The following RAP1GDS1 variants were observed in gnomAD, a reference collection of about 807,000 sequenced individuals.
The protein encoded by RAP1GDS1 is Rap1 GTPase-GDP dissociation stimulator 1.
RAP1GDS1 carries 35 observed loss-of-function variants against 71.1 expected under a neutral mutation model. The ratio of observed to expected loss-of-function variants is 0.49; its 90% confidence interval spans 0.38 to 0.65. The LOEUF (loss-of-function observed/expected upper bound fraction) is 0.65, where lower values mean the gene tolerates loss of function less well. Ranked by LOEUF, RAP1GDS1 falls within the 30% of genes least tolerant of loss-of-function variation. The probability of loss-of-function intolerance (pLI) is 0.00; values close to 1 mark genes in which losing one functional copy is unlikely to be tolerated. For synonymous variants in RAP1GDS1, 229 were observed against 243.1 expected (o/e 0.94, Z 0.54); for missense variants, 663 against 706.1 (o/e 0.94, Z 0.69).
chr4:98,355,104 G>GTAAA (rs2110428510), intron 4 of RAP1GDS1, among the ~76,000 whole-genome samples: 1 of 152,280 alleles, frequency 6.6e-6, no homozygotes, highest in East Asian at 1.9e-4. Flanking sequence ...GTGATGTTGT[G>GTAAA]TGGTTGATTT....
At chr4:98,265,932 C>CCTTTACA (rs1169884137) in intron 1 of RAP1GDS1, among the ~76,000 whole-genome samples, 4 of 151,986 alleles carry the variant, frequency 2.6e-5, no homozygotes, top group African/African-American at 9.7e-5. Flanking sequence ...ATATGGAGGT[C>CCTTTACA]AGTTGTAAAG....
chr4:98,311,556 T>G (rs1730224572), intron 2 of RAP1GDS1, among the ~76,000 whole-genome samples: 2 of 152,192 alleles, frequency 1.3e-5, no homozygotes, highest in Admixed American at 1.3e-4. Flanking sequence ...GATCTTTTAC[T>G]TAAAGTATTT....
intron 7 of RAP1GDS1, among the ~76,000 whole-genome samples, chr4:98,411,128 A>G (rs1747007355): frequency 6.6e-6 from 1 of 152,258 alleles, no homozygotes; most frequent in Admixed American, 6.5e-5. Context: ...GTACATTCAT[A>G]CATATGTGTG....
chr4:98,338,760 A>G (rs1340393657), intron 2 of RAP1GDS1, among the ~76,000 whole-genome samples: 1 of 152,156 alleles, frequency 6.6e-6, no homozygotes, highest in Non-Finnish European at 1.5e-5. Context: ...AATAGCAGTC[A>G]TTATTTTTAT....
At chr4:98,326,252 A>G (rs1395969367) in intron 2 of RAP1GDS1, among the ~76,000 whole-genome samples, 1 of 152,158 alleles carries the variant, frequency 6.6e-6, no homozygotes, top group African/African-American at 2.4e-5. Context: ...TATCTTAGCC[A>G]TCTTCCCCAA....
At chr4:98,389,636 A>G (rs1446695684) in intron 5 of RAP1GDS1, among the ~76,000 whole-genome samples, 1 of 152,126 alleles carries the variant, frequency 6.6e-6, no homozygotes, top group Non-Finnish European at 1.5e-5. Context: ...TGGCTATGCT[A>G]ACTTTTTCTC....
At chr4:98,266,787 A>G (rs916661414) in intron 1 of RAP1GDS1, among the ~76,000 whole-genome samples, 1 of 152,220 alleles carries the variant, frequency 6.6e-6, no homozygotes, top group Non-Finnish European at 1.5e-5. Flanking sequence ...TTGAAAAATT[A>G]TAATAGCCTT....
In RAP1GDS1 at chr4:98,437,345, A is replaced by G. The variant is rs190340925; in HGVS notation, c.1696+277A>G. On this transcript the variant is annotated intron_variant, in intron 14 of 14. Transcript: ENST00000408927. ...TAGATAGAATTACTTTTCACTGAAG[A>G]CATTCCCAAAAGATTCTCACTACAA... Among the ~76,000 whole-genome samples, 28 of 152,330 alleles carry G rather than the reference A, an allele frequency of 1.8e-4. No homozygotes were observed. The East Asian group carries it at 4.6e-3, about 25-fold the overall frequency.
intron 6 of RAP1GDS1, among the ~76,000 whole-genome samples, chr4:98,397,611 A>T (rs1003653632): frequency 2.1e-4 from 32 of 152,316 alleles, no homozygotes; most frequent in Admixed American, 1.9e-3. Context: ...AACCTTTGAC[A>T]TCTGAATCCT....
chr4:98,420,216 C>T lies in RAP1GDS1; in HGVS notation c.1300+72C>T, dbSNP rs530796874. ...TAATGTGCCTCTAGTTGAAAAAGGA[C>T]TTGTTTTTAGCTTTTAGGATTATGT... On this transcript the variant is annotated intron_variant, in intron 11 of 14. Transcript: ENST00000408927. 5 of 1,301,882 alleles carry T rather than the reference C, an allele frequency of 3.8e-6. No homozygotes were observed. In the African/African-American group the frequency reaches 4.5e-5, roughly 12 times the overall value. 80.6% of individuals were successfully genotyped at this position (1,301,882 alleles called of 1,614,324 possible).
chr4:98,433,503 A>G (rs1264003811), intron 12 of RAP1GDS1, among the ~76,000 whole-genome samples: 1 of 152,052 alleles, frequency 6.6e-6, no homozygotes, highest in East Asian at 1.9e-4. Context: ...CTATGTTGCC[A>G]GGCTGGTCTC....
chr4:98,325,911 T>A (rs1053600691), intron 2 of RAP1GDS1, among the ~76,000 whole-genome samples: 2 of 61,246 alleles, frequency 3.3e-5, no homozygotes, highest in African/African-American at 1.5e-4. Context: ...ACCCTAAAAC[T>A]TAAAGTATTA....
At chr4:98,303,817 C>G (rs1465784502) in intron 2 of RAP1GDS1, among the ~76,000 whole-genome samples, 1 of 151,896 alleles carries the variant, frequency 6.6e-6, no homozygotes, top group Non-Finnish European at 1.5e-5. Context: ...GTATTAAGCC[C>G]CACATGCATT....
intron 2 of RAP1GDS1, among the ~76,000 whole-genome samples, chr4:98,300,961 G>T (rs2110296005): frequency 6.6e-6 from 1 of 151,708 alleles, no homozygotes; most frequent in East Asian, 1.9e-4. Flanking sequence ...TTACTTTCAG[G>T]TAGCAAAGTT....
At chr4:98,401,130 C>G (rs563038431) in intron 6 of RAP1GDS1, among the ~76,000 whole-genome samples, 79 of 152,212 alleles carry the variant, frequency 5.2e-4, no homozygotes, top group Non-Finnish European at 8.4e-4. Context: ...AAGAAGCAAC[C>G]AATCCAGGTT....
chr4:98,423,668 C>T (rs1749202991), intron 12 of RAP1GDS1, among the ~76,000 whole-genome samples: 1 of 152,136 alleles, frequency 6.6e-6, no homozygotes, highest in Admixed American at 6.6e-5. Context: ...CCTCAGCCTC[C>T]TGAGTAGCTA....
intron 10 of RAP1GDS1, among the ~76,000 whole-genome samples, chr4:98,419,440 C>T (rs534917214): frequency 1.3e-5 from 2 of 152,274 alleles, no homozygotes; most frequent in South Asian, 4.2e-4. Flanking sequence ...TTTCTATAAG[C>T]AGATGTACAA....
intron 7 of RAP1GDS1, among the ~76,000 whole-genome samples, chr4:98,405,398 G>A (rs368912634): frequency 2.0e-4 from 30 of 152,048 alleles, no homozygotes; most frequent in African/African-American, 6.5e-4. Context: ...TGGAAAACGG[G>A]TTGGAAAGAA....
chr4:98,291,993 A>G (rs948209864), intron 1 of RAP1GDS1, among the ~76,000 whole-genome samples: 8 of 152,214 alleles, frequency 5.3e-5, no homozygotes, highest in African/African-American at 1.7e-4. Context: ...GTGTTTTCCA[A>G]CTACGTATAT....
Sources: allele counts gnomAD v4.1 joint callset (sites outside exome capture counted in the v4.1 genomes callset), GRCh38; gene constraint gnomAD v4.1.1; transcripts MANE v1.5; gene names NCBI Gene and HGNC (gene_info 2026-07-23, HGNC 2026-07-21).